The following TACR3 variants were observed in gnomAD, a reference collection of about 807,000 sequenced individuals.
The protein encoded by TACR3 is neuromedin-K receptor.
TACR3 carries 34 observed loss-of-function variants against 35.0 expected under a neutral mutation model. The observed-to-expected ratio is 0.97, with a 90% CI of 0.74 to 1.30. The LOEUF (loss-of-function observed/expected upper bound fraction) is 1.30, where lower values mean the gene tolerates loss of function less well. TACR3 is among the 50% of genes most tolerant of loss of function. The pLI is 0.00. For synonymous variants in TACR3, 233 were observed against 221.1 expected, an observed-to-expected ratio of 1.05 and a Z score of -0.48; for missense variants, 558 against 591.7, an observed-to-expected ratio of 0.94 and a Z score of 0.59.
intron 1 of TACR3, among the ~76,000 whole-genome samples, chr4:103,688,414 A>C (rs1288520428): frequency 6.6e-6 from 1 of 151,726 alleles, no homozygotes; most frequent in Non-Finnish European, 1.5e-5. Flanking sequence ...TAATTAAACT[A>C]AAGAGCTTCT....
At chr4:103,701,461 A>G (rs1187298092) in intron 1 of TACR3, among the ~76,000 whole-genome samples, 6 of 152,138 alleles carry the variant, frequency 3.9e-5, no homozygotes, top group African/African-American at 1.4e-4. Flanking sequence ...TATTGTGAAA[A>G]TGGCCATACT....
chr4:103,690,920 G>T (rs767731821), intron 1 of TACR3, among the ~76,000 whole-genome samples: 1 of 152,012 alleles, frequency 6.6e-6, no homozygotes, highest in African/African-American at 2.4e-5. Context: ...TATGTCACAC[G>T]CAATAGGTAG....
chr4:103,700,342 A>C (rs1722621855), intron 1 of TACR3, among the ~76,000 whole-genome samples: 1 of 152,200 alleles, frequency 6.6e-6, no homozygotes, highest in Non-Finnish European at 1.5e-5. Flanking sequence ...AATCATAGAC[A>C]TACTTTCCCT....
chr4:103,600,394 TCTC>T (rs201164523), intron 3 of TACR3, among the ~76,000 whole-genome samples: 2,484 of 152,268 alleles, frequency 0.016, 55 homozygotes, highest in African/African-American at 0.057. Flanking sequence ...ATTTTGTTGC[TCTC>T]TTCAAAAAAC....
At chr4:103,622,459 C>T (rs184521208) in intron 3 of TACR3, among the ~76,000 whole-genome samples, 5 of 152,258 alleles carry the variant, frequency 3.3e-5, no homozygotes, top group East Asian at 3.9e-4. Flanking sequence ...AGGCCAGGCA[C>T]GGTGGCTCAC....
chr4:103,636,888 G>A (rs992636681), intron 3 of TACR3, among the ~76,000 whole-genome samples: 3 of 152,094 alleles, frequency 2.0e-5, no homozygotes, highest in African/African-American at 7.2e-5. Context: ...ACTAAACCAG[G>A]AAGAACTTGA....
At chr4:103,601,526 G>A (rs1312574194) in intron 3 of TACR3, among the ~76,000 whole-genome samples, 2 of 152,126 alleles carry the variant, frequency 1.3e-5, no homozygotes, top group Non-Finnish European at 2.9e-5. Context: ...GCTGGTACTG[G>A]TTGTTCCTTT....
At chr4:103,698,976 G>A (rs1220686607) in intron 1 of TACR3, among the ~76,000 whole-genome samples, 1 of 152,054 alleles carries the variant, frequency 6.6e-6, no homozygotes, top group East Asian at 1.9e-4. Context: ...AAACACTTTT[G>A]CAACTTCTGT....
rs1238193715 is a variant in TACR3 at position 103,589,881 on chromosome 4, A to C, written c.1199T>G (p.Met400Arg). Residue 400 changes from methionine (M) to arginine (R), a missense_variant, in exon 5 of 5, where the codon ATG (methionine) becomes AGG (arginine). Coordinates refer to ENST00000304883, the MANE Select transcript of TACR3 (RefSeq NM_001059.3). ...GGACTCCATTCTGGTCACGGTGTAC[A>C]TACTGCTTTGCCGGTTTGGATGAAA... ...TRFHPNRQSS[M>R]YTVTRMESMT... is the part of the protein sequence containing the mutation. The C allele has an allele frequency of 6.2e-7, 1 of 1,613,824 alleles. No homozygotes were observed. The highest frequency in any genetic ancestry group is 1.3e-5 in the African/African-American group (1 of 74,898).
Position 103,586,301 on chromosome 4 carries a change from G to A in TACR3, c.*3381C>T, listed in dbSNP as rs1469755379. The A allele has an allele frequency of 6.6e-6, 1 of 151,678 alleles. No individual in the cohort carries two copies. Among genetic ancestry groups the A allele is most frequent in the Non-Finnish European group, 1.5e-5 (1 of 67,956 alleles). The allele number at this position is 151,678 out of a possible 1,614,324, so 9.4% of individuals were successfully genotyped here. On this transcript the variant is annotated 3_prime_UTR_variant, in exon 5 of 5. Transcript: ENST00000304883. ...ATTCTCTATTCCTGCTTGGCCCTAA[G>A]GGAAATTATTCCAACCTTATTGTTC... is the stretch of plus-strand genomic sequence containing the variant.
chr4:103,666,435 A>C (rs1725936920), intron 1 of TACR3, among the ~76,000 whole-genome samples: 1 of 152,200 alleles, frequency 6.6e-6, no homozygotes, highest in African/African-American at 2.4e-5. Context: ...GTGGTACTGA[A>C]TGAAGCTAGA....
intron 4 of TACR3, among the ~76,000 whole-genome samples, chr4:103,590,764 A>G (rs1269837706): frequency 6.6e-5 from 10 of 152,230 alleles, no homozygotes; most frequent in Admixed American, 6.5e-4. Flanking sequence ...AGCCCTATGA[A>G]ATTTAACCCT....
chr4:103,643,429 AAGAGAGAGAGAG>A (rs138415563), intron 3 of TACR3, among the ~76,000 whole-genome samples: 1 of 148,642 alleles, frequency 6.7e-6, no homozygotes, highest in African/African-American at 2.5e-5. Flanking sequence ...GTCTAAAAAA[AAGAGAGAGAGAG>A]AGAGAGAGAG....
intron 3 of TACR3, among the ~76,000 whole-genome samples, chr4:103,654,086 T>G (rs1051078147): frequency 8.1e-5 from 12 of 148,374 alleles, no homozygotes; most frequent in African/African-American, 7.7e-5. Context: ...GGAACACTTT[T>G]ACACTGTTGG....
At chr4:103,607,196 G>T (rs1159431179) in intron 3 of TACR3, among the ~76,000 whole-genome samples, 1 of 151,346 alleles carries the variant, frequency 6.6e-6, no homozygotes, top group Non-Finnish European at 1.5e-5. Context: ...CTTATCTTTT[G>T]TAACAGATAT....
At chr4:103,718,072 T>G (rs909688356) in intron 1 of TACR3, among the ~76,000 whole-genome samples, 2 of 152,236 alleles carry the variant, frequency 1.3e-5, no homozygotes, top group African/African-American at 4.8e-5. Context: ...TTCAAAATAG[T>G]AAACACAGAG....
At chr4:103,673,887 A>G (rs1726104712) in intron 1 of TACR3, among the ~76,000 whole-genome samples, 1 of 152,238 alleles carries the variant, frequency 6.6e-6, no homozygotes, top group African/African-American at 2.4e-5. Flanking sequence ...TTAGCTATAC[A>G]TGATACTCTA....
At chr4:103,710,127 G>T (rs569202138) in intron 1 of TACR3, among the ~76,000 whole-genome samples, 24 of 152,150 alleles carry the variant, frequency 1.6e-4, no homozygotes, top group Non-Finnish European at 3.4e-4. Flanking sequence ...GGGTATCCAG[G>T]AATTGAACTC....
intron 1 of TACR3, among the ~76,000 whole-genome samples, chr4:103,714,119 C>G (rs373255517): frequency 3.9e-5 from 6 of 151,936 alleles, no homozygotes; most frequent in African/African-American, 1.4e-4. Flanking sequence ...TTGTTTATGT[C>G]TTTTGTTCTT....
Sources: allele counts gnomAD v4.1 joint callset (sites outside exome capture counted in the v4.1 genomes callset), GRCh38; gene constraint gnomAD v4.1.1; transcripts MANE v1.5; gene names NCBI Gene and HGNC (gene_info 2026-07-23, HGNC 2026-07-21).